Variants in GPRASP3 observed in about 807,000 individuals in gnomAD.
The protein encoded by GPRASP3 is G protein-coupled receptor associated sorting protein 3.
the GPRASP3 span, chrX:102,751,751 T>G: frequency 8.1e-6 from 1 of 123,150 alleles, no homozygotes; most frequent in Admixed American, 9.5e-5. Context: ...TCTGGCAGTG[T>G]CGAAAATAGT....
the GPRASP3 span, chrX:102,746,058 A>C: frequency 6.3e-5 from 7 of 111,671 alleles, no homozygotes; most frequent in African/African-American, 2.3e-4. Flanking sequence ...GGGGGGCGGG[A>C]CGCGTCTTTG....
chrX:102,740,925 G>C, the GPRASP3 span, among the ~76,000 whole-genome samples: 21 of 111,093 alleles, frequency 1.9e-4, no homozygotes, highest in Non-Finnish European at 5.7e-5. Flanking sequence ...TGCACACGGG[G>C]GTCAGATGCC....
chrX:102,747,705 C>T, the GPRASP3 span: 1 of 111,892 alleles, frequency 8.9e-6, no homozygotes, highest in Non-Finnish European at 1.9e-5. Context: ...AGGTGGGAGA[C>T]ATTTAACATA....
the GPRASP3 span, chrX:102,749,393 T>G: frequency 3.3e-6 from 4 of 1,212,025 alleles, no homozygotes; most frequent in Non-Finnish European, 4.5e-6. Flanking sequence ...GGTAATAGTT[T>G]CAGCACTAAG....
chrX:102,727,484 A>G, the GPRASP3 span, among the ~76,000 whole-genome samples: 1 of 112,307 alleles, frequency 8.9e-6, no homozygotes, highest in African/African-American at 3.2e-5. Flanking sequence ...CCGTAGACCA[A>G]AGAGACTCAC....
At chrX:102,750,065 C>T in the GPRASP3 span, 1 of 1,205,296 alleles carries the variant, frequency 8.3e-7, no homozygotes, top group African/African-American at 1.7e-5. Flanking sequence ...CACCCATTTG[C>T]CCAAGAGTTT....
the GPRASP3 span, among the ~76,000 whole-genome samples, chrX:102,740,354 T>C: frequency 9.0e-6 from 1 of 110,918 alleles, no homozygotes; most frequent in African/African-American, 3.3e-5. Flanking sequence ...AGAACAAGAG[T>C]CTCTGCCTGG....
At chrX:102,746,620 C>T in the GPRASP3 span, among the ~76,000 whole-genome samples, 2 of 112,323 alleles carry the variant, frequency 1.8e-5, no homozygotes, top group Non-Finnish European at 3.8e-5. Context: ...CTACTCGGGG[C>T]CCTGATTCCG....
the GPRASP3 span, among the ~76,000 whole-genome samples, chrX:102,740,310 G>A: frequency 4.5e-5 from 5 of 111,253 alleles, 1 homozygote; most frequent in Non-Finnish European, 9.4e-5. Flanking sequence ...GAGAGAGATC[G>A]ATTGATTGAT....
chrX:102,724,718 G>GGCGT, the GPRASP3 span, among the ~76,000 whole-genome samples: 1 of 98,816 alleles, frequency 1.0e-5, no homozygotes, highest in Non-Finnish European at 2.1e-5. Flanking sequence ...CAGGGTGACT[G>GGCGT]GTGTGTGTGT....
chrX:102,739,417 G>A, the GPRASP3 span, among the ~76,000 whole-genome samples: 3 of 111,562 alleles, frequency 2.7e-5, no homozygotes, highest in African/African-American at 6.5e-5. Flanking sequence ...GAGAAATGGC[G>A]GCTATAGGAG....
At chrX:102,749,486 G>A in the GPRASP3 span, 2 of 1,211,930 alleles carry the variant, frequency 1.7e-6, no homozygotes, top group Non-Finnish European at 2.2e-6. Context: ...CCTAGGTCAG[G>A]GGCTGAGGAG....
At chrX:102,725,080 C>T in the GPRASP3 span, among the ~76,000 whole-genome samples, 2 of 111,395 alleles carry the variant, frequency 1.8e-5, no homozygotes, top group Non-Finnish European at 3.8e-5. Context: ...CTATAAAATA[C>T]CACCAGATTT....
the GPRASP3 span, among the ~76,000 whole-genome samples, chrX:102,731,345 C>G: frequency 1.8e-5 from 2 of 112,309 alleles, no homozygotes; most frequent in Non-Finnish European, 3.8e-5. Flanking sequence ...CTTCAGGGGC[C>G]GGGCCCAGTG....
chrX:102,743,646 C>T, the GPRASP3 span, among the ~76,000 whole-genome samples: 1 of 108,850 alleles, frequency 9.2e-6, no homozygotes, highest in African/African-American at 3.4e-5. Context: ...GGAGTCCTGT[C>T]TTAACTCAAT....
chrX:102,749,340 A>G, the GPRASP3 span: 5 of 1,212,018 alleles, frequency 4.1e-6, no homozygotes, highest in Non-Finnish European at 5.6e-6. Context: ...GGGCTGGGGA[A>G]GAGGCCACTA....
chrX:102,724,718 GGTGTGTGTGTGTGT>G, the GPRASP3 span, among the ~76,000 whole-genome samples: 5 of 98,830 alleles, frequency 5.1e-5, no homozygotes, highest in Admixed American at 3.3e-4. Flanking sequence ...CAGGGTGACT[GGTGTGTGTGTGTGT>G]GTGTGTGTGT....
the GPRASP3 span, among the ~76,000 whole-genome samples, chrX:102,733,301 C>CA: frequency 3.9e-4 from 43 of 109,248 alleles, no homozygotes; most frequent in Non-Finnish European, 6.3e-4. Flanking sequence ...ACTAAAAATA[C>CA]AAAAAAAATT....
chrX:102,749,772 G>T, the GPRASP3 span: 1 of 1,211,566 alleles, frequency 8.3e-7, no homozygotes, highest in South Asian at 1.8e-5. Context: ...CCTGTTCTTT[G>T]CCTGTGGCAA....
Sources: gnomAD v4.1 joint callset for allele counts (sites outside exome capture counted in the v4.1 genomes callset) on GRCh38, gnomAD v4.1.1 for gene constraint, MANE v1.5 for transcripts, NCBI Gene and HGNC (gene_info 2026-07-23, HGNC 2026-07-21) for gene names.